The following KMO variants were observed in gnomAD, a reference collection of about 807,000 sequenced individuals.
KMO encodes kynurenine 3-monooxygenase, also known as kynurenine 3-hydroxylase.
A neutral mutation model predicts 57.8 loss-of-function variants in KMO; 24 were observed. The ratio of observed to expected loss-of-function variants is 0.42; its 90% CI spans 0.30 to 0.58. The LOEUF (loss-of-function observed/expected upper bound fraction) is 0.58, where lower values mean the gene tolerates loss of function less well. Ranked by LOEUF, KMO falls within the 20% of genes least tolerant of loss-of-function variation. The probability of loss-of-function intolerance (pLI) is 0.22; values close to 1 mark genes in which losing one functional copy is unlikely to be tolerated. For missense variants in KMO, 483 were observed against 588.2 expected (o/e 0.82, Z 1.85); for synonymous variants, 210 against 193.6 (o/e 1.08, Z -0.70).
intron 1 of KMO, among the ~76,000 whole-genome samples, chr1:241,546,959 T>C (rs929643917): frequency 9.2e-5 from 14 of 152,180 alleles, no homozygotes; most frequent in African/African-American, 3.1e-4. Flanking sequence ...CAGAGACGTA[T>C]GAAGAAAACC....
chr1:241,546,687 G>A (rs573142791), intron 1 of KMO, among the ~76,000 whole-genome samples: 1 of 152,250 alleles, frequency 6.6e-6, no homozygotes, highest in East Asian at 1.9e-4. Context: ...CACTTACATA[G>A]GGAATATGTG....
At chr1:241,551,567 C>G (rs909954654) in intron 4 of KMO, among the ~76,000 whole-genome samples, 1 of 152,158 alleles carries the variant, frequency 6.6e-6, no homozygotes, top group Non-Finnish European at 1.5e-5. Context: ...GACTCATTAT[C>G]CTGCTCTGTG....
At position 241,583,001 on chromosome 1, in the gene KMO, G is replaced by A. The variant is rs74150324; in HGVS notation, c.958-3678G>A. Reference sequence around the variant, plus strand: ...TGCAGCTGTATCAGTACTAGGAGGTGCCCTAAGCCCAGGAATGCTACAACT... The same window carrying A: ...TGCAGCTGTATCAGTACTAGGAGGTACCCTAAGCCCAGGAATGCTACAACT... On this transcript the variant is annotated intron_variant, in intron 10 of 14. Coordinates refer to ENST00000366559, the MANE Select transcript of KMO (RefSeq NM_003679.5). 7.0e-3 allele frequency among the ~76,000 whole-genome samples: 1,059 copies of A among 152,282 alleles called. 4 individuals carry two copies. Among genetic ancestry groups the A allele is most frequent in the African/African-American group, 0.016 (673 of 41,562 alleles).
intron 1 of KMO, among the ~76,000 whole-genome samples, chr1:241,541,150 T>C (rs4509566): frequency 6.6e-6 from 1 of 151,842 alleles, no homozygotes; most frequent in Non-Finnish European, 1.5e-5. Context: ...TAGAAAACGG[T>C]TGCAGTAGCC....
intron 1 of KMO, among the ~76,000 whole-genome samples, chr1:241,548,376 C>T (rs980462464): frequency 1.1e-4 from 17 of 152,012 alleles, no homozygotes; most frequent in Admixed American, 6.5e-5. Context: ...TCACAGAAGT[C>T]AGAATAATGT....
intron 1 of KMO, among the ~76,000 whole-genome samples, chr1:241,539,894 C>A (rs967375719): frequency 6.6e-6 from 1 of 152,098 alleles, no homozygotes; most frequent in African/African-American, 2.4e-5. Flanking sequence ...TCAAAAGAAA[C>A]GTGTATGCGT....
chr1:241,564,888 A>T, intron 7 of KMO, 99 bp from the exon 8 acceptor site: 1 of 713,566 alleles, frequency 1.4e-6, no homozygotes, highest in Middle Eastern at 2.5e-4. Flanking sequence ...TGTAGATGCT[A>T]CTGGTTTTAA....
At chr1:241,564,124 C>A (rs997096783) in intron 7 of KMO, among the ~76,000 whole-genome samples, 1 of 152,144 alleles carries the variant, frequency 6.6e-6, no homozygotes, top group Non-Finnish European at 1.5e-5. Context: ...ACCTAAGACA[C>A]AAATAACTAT....
intron 5 of KMO, among the ~76,000 whole-genome samples, chr1:241,556,192 G>T (rs1025153663): frequency 2.0e-5 from 3 of 152,178 alleles, no homozygotes; most frequent in African/African-American, 7.2e-5. Context: ...GATGTGCCAT[G>T]GTGCAATCAT....
rs1216359081 is a variant in KMO, at chr1:241,590,107, T to C, written c.1194T>C (p.Tyr398=). The change falls in exon 13 of 15, where the codon TAT becomes TAC. Residue 398 remains tyrosine (Y), a synonymous_variant. Transcript: ENST00000366559. ...AIMPSTFIPL[Y]TMVTFSRIRY... ...TGCCATCGACCTTTATCCCTCTCTA[T>C]ACAATGGTAAGGTCTGGACTGAAGA... 3 of 1,612,082 alleles carry C rather than the reference T, an allele frequency of 1.9e-6. No individual in the cohort carries two copies. Among genetic ancestry groups the C allele is most frequent in the South Asian group, 2.2e-5 (2 of 91,034 alleles).
At chr1:241,532,643 T>C in intron 1 of KMO, 145 bp downstream of exon 1, 5 of 581,730 alleles carry the variant, frequency 8.6e-6, no homozygotes, top group Non-Finnish European at 1.2e-5. Context: ...TGTTTATTTT[T>C]TTAATATTTT....
Position 241,594,792 on chromosome 1 carries a change from TG to T in KMO, c.*2640del. The T allele has an allele frequency of 7.1e-7, 1 of 1,413,280 alleles. No homozygotes were observed. Among genetic ancestry groups the T allele is most frequent in the Non-Finnish European group, 9.6e-7 (1 of 1,038,450 alleles). The allele number at this position is 1,413,280 out of a possible 1,614,324, so 87.5% of individuals were successfully genotyped here. The stretch of plus-strand genomic sequence containing the variant: ...GTTGAGCTGAATTTAAGTTGTTTTT[TG>T]TTTGTTAGCAGGTGTGGATGTGGGG... On this transcript the variant is annotated 3_prime_UTR_variant, in exon 15 of 15. Transcript: ENST00000366559.
chr1:241,586,943 G>C (rs544235608), intron 11 of KMO, among the ~76,000 whole-genome samples: 1 of 152,240 alleles, frequency 6.6e-6, no homozygotes, highest in East Asian at 1.9e-4. Context: ...TTCTTTTGAA[G>C]TTTCTATGTG....
At position 241,587,144 on chromosome 1, in the gene KMO, G is replaced by T. The variant is rs942226976; in HGVS notation, c.1015+408G>T. Among the ~76,000 whole-genome samples the T allele has an allele frequency of 3.3e-5, 5 of 152,276 alleles. No individual in the cohort carries two copies. In the East Asian group the frequency reaches 9.7e-4, roughly 29 times the overall value. The stretch of plus-strand genomic sequence containing the variant: ...TGTTTCCACAGACAGGGGGTGGGGG[G>T]AGATGGTTTCAGGATGAAACTGTTC... On this transcript the variant is annotated intron_variant, in intron 11 of 14. Coordinates refer to ENST00000366559, the MANE Select transcript of KMO (RefSeq NM_003679.5).
rs1663452048 is a variant in KMO, at chr1:241,594,876, A to T, written c.*2723A>T. Reference sequence around the variant, plus strand: ...CCCCAGAGCTTTATGTCTTTTATTCATTCTAATTCTTATTAACCGGAATAT... The same window carrying T: ...CCCCAGAGCTTTATGTCTTTTATTCTTTCTAATTCTTATTAACCGGAATAT... On this transcript the variant is annotated 3_prime_UTR_variant, in exon 15 of 15. Coordinates refer to ENST00000366559, the MANE Select transcript of KMO (RefSeq NM_003679.5). 4.9e-6 allele frequency: 3 copies of T among 617,770 alleles called. No individual in the cohort carries two copies. The Admixed American group carries it at 9.2e-5, about 19-fold the overall frequency. 38.3% of individuals were successfully genotyped at this position (617,770 alleles called of 1,614,324 possible).
At chr1:241,579,151 G>C (rs1029165347) in intron 10 of KMO, among the ~76,000 whole-genome samples, 1 of 152,096 alleles carries the variant, frequency 6.6e-6, no homozygotes, top group Admixed American at 6.6e-5. Context: ...CTTCCTGAGT[G>C]CAGGTTATTC....
At chr1:241,571,907 G>A (rs1573928206) in intron 10 of KMO, among the ~76,000 whole-genome samples, 1 of 111,008 alleles carries the variant, frequency 9.0e-6, no homozygotes, top group Non-Finnish European at 1.7e-5. Context: ...TCGCTCTGTT[G>A]CCAGGCTGGA....
Position 241,564,856 on chromosome 1 carries a change from G to T in KMO, c.616-131G>T, listed in dbSNP as rs1662015499. On this transcript the variant is annotated intron_variant, in intron 7 of 14. Transcript: ENST00000366559. ...TCTAAGACAACTTCTATTTTATGTA[G>T]CAATAGATGTGCGTATCATCGTGTA... The T allele has an allele frequency of 8.4e-6, 5 of 594,984 alleles. No individual in the cohort carries two copies. In the Admixed American group the frequency reaches 1.6e-4, roughly 20 times the overall value. 36.9% of individuals were successfully genotyped at this position (594,984 alleles called of 1,614,324 possible).
intron 10 of KMO, among the ~76,000 whole-genome samples, chr1:241,576,496 T>C (rs997268612): frequency 6.6e-6 from 1 of 152,154 alleles, no homozygotes; most frequent in Non-Finnish European, 1.5e-5. Context: ...AAAATGCCTT[T>C]ATCTCTCCTT....
Sources: allele counts gnomAD v4.1 joint callset (sites outside exome capture counted in the v4.1 genomes callset), GRCh38; gene constraint gnomAD v4.1.1; transcripts MANE v1.5; gene names NCBI Gene and HGNC (gene_info 2026-07-23, HGNC 2026-07-21).